HSPBAP1: variants seen among roughly 807,000 people sequenced by gnomAD.
HSPBAP1 encodes HSPB1-associated protein 1.
HSPBAP1 carries 27 observed loss-of-function variants against 45.2 expected under a neutral mutation model. The ratio of observed to expected loss-of-function variants is 0.60; its 90% CI spans 0.44 to 0.82. The LOEUF is 0.82. Among genes scored for constraint, HSPBAP1 ranks in the 40% least tolerant of loss-of-function variants. The probability of loss-of-function intolerance (pLI) is 0.00; values close to 1 mark genes in which losing one functional copy is unlikely to be tolerated. For missense variants in HSPBAP1, 510 were observed against 590.9 expected, an observed-to-expected ratio of 0.86 and a Z score of 1.42; for synonymous variants, 204 against 202.7, an observed-to-expected ratio of 1.01 and a Z score of -0.06.
At chr3:122,781,353 G>A (rs1156769833) in intron 1 of HSPBAP1, among the ~76,000 whole-genome samples, 1 of 152,258 alleles carries the variant, frequency 6.6e-6, no homozygotes, top group Non-Finnish European at 1.5e-5. Context: ...AGGAGCTGGA[G>A]ACCGGCCCGG....
chr3:122,743,088 AT>A (rs1196484019), intron 6 of HSPBAP1, among the ~76,000 whole-genome samples: 2 of 152,226 alleles, frequency 1.3e-5, no homozygotes, highest in East Asian at 3.8e-4. Flanking sequence ...ATAACATTAG[AT>A]TCATTATATA....
Position 122,740,530 on chromosome 3 carries a change from AT to A in HSPBAP1, c.1281del (p.Lys427AsnfsTer10). 1 of 1,614,074 alleles carries A rather than the reference AT, an allele frequency of 6.2e-7. No individual in the cohort carries two copies. The highest frequency in any genetic ancestry group is 8.5e-7 in the Non-Finnish European group (1 of 1,180,018). ...ATTTGTTGTCTCTTGGCACAATGCA[AT>A]TTTCCAAAGTGTTCTCCATCCTTGT... ...FVDKDGEHFG[K>X]LHCAKRQQIM... On this transcript the variant is annotated frameshift_variant, in exon 8 of 8. Coordinates refer to ENST00000306103, the MANE Select transcript of HSPBAP1 (RefSeq NM_024610.6). LOFTEE classifies it low-confidence loss of function (END_TRUNC).
chr3:122,768,310 G>A (rs1328380185), intron 3 of HSPBAP1, among the ~76,000 whole-genome samples: 1 of 152,198 alleles, frequency 6.6e-6, no homozygotes, highest in African/African-American at 2.4e-5. Flanking sequence ...CCTGGTCACA[G>A]CCCAAGGAAT....
intron 1 of HSPBAP1, among the ~76,000 whole-genome samples, chr3:122,793,047 T>A (rs1282496404): frequency 2.0e-5 from 3 of 152,178 alleles, no homozygotes; most frequent in African/African-American, 7.2e-5. Context: ...TTTTCCTTTC[T>A]AGGCTCCTTT....
At chr3:122,788,724 T>C (rs1443746270) in intron 1 of HSPBAP1, among the ~76,000 whole-genome samples, 1 of 152,190 alleles carries the variant, frequency 6.6e-6, no homozygotes, top group East Asian at 1.9e-4. Context: ...ATTCCACTTA[T>C]ATGGAGTATC....
In HSPBAP1 at chr3:122,755,272, C is replaced by A; in HGVS notation, c.729G>T (p.Leu243=). 3 of 1,579,914 alleles carry A rather than the reference C, an allele frequency of 1.9e-6. No homozygotes were observed. The highest frequency in any genetic ancestry group is 2.6e-6 in the Non-Finnish European group (3 of 1,167,572). Residue 243 remains leucine, a synonymous_variant, in exon 5 of 8, where the codon CTG becomes CTT. Coordinates refer to ENST00000306103, the MANE Select transcript of HSPBAP1 (RefSeq NM_024610.6). The part of the protein sequence containing the change: ...FRKAQRHAVT[L]SPGQVLFVPR... ...AAAGCCCTATTACCTGTCCTGGGCT[C>A]AGTGTAACCGCATGTCTTTGAGCTT...
chr3:122,763,456 G>C (rs1039018830), intron 3 of HSPBAP1, among the ~76,000 whole-genome samples: 7 of 120,674 alleles, frequency 5.8e-5, no homozygotes, highest in African/African-American at 1.8e-4. Flanking sequence ...CAATAAAGCT[G>C]TGTGTGTTTT....
intron 6 of HSPBAP1, among the ~76,000 whole-genome samples, chr3:122,751,270 T>C (rs1934124799): frequency 6.6e-6 from 1 of 152,234 alleles, no homozygotes; most frequent in South Asian, 2.1e-4. Flanking sequence ...TGCCACGCAC[T>C]ATATTAGATG....
At chr3:122,745,532 G>C (rs1933816869) in intron 6 of HSPBAP1, among the ~76,000 whole-genome samples, 2 of 152,152 alleles carry the variant, frequency 1.3e-5, no homozygotes, top group African/African-American at 4.8e-5. Context: ...TAAGTTTCAT[G>C]CAATTCTGAG....
rs1461663023 is a variant in HSPBAP1 at position 122,740,388 on chromosome 3, G to T, written c.1424C>A (p.Thr475Asn). Residue 475 changes from threonine (T) to asparagine (N), a missense_variant, in exon 8 of 8, where the codon ACC (threonine) becomes AAC (asparagine). By Grantham distance (65) the Thr-to-Asn change is moderately conservative. Transcript: ENST00000306103. ...TATCAAAAGTTGTGCCACTATCCTG[G>T]TTACTTGTGGATTCACCAAGCAGTC... ...LLDCLVNPQV[T>N]RIVAQLLIQG... is the part of the protein sequence containing the mutation. The T allele has an allele frequency of 1.2e-6, 2 of 1,613,360 alleles. No homozygotes were observed. The highest frequency in any genetic ancestry group is 1.3e-5 in the African/African-American group (1 of 74,950).
At chr3:122,790,690 T>C (rs1935798453) in intron 1 of HSPBAP1, among the ~76,000 whole-genome samples, 1 of 152,220 alleles carries the variant, frequency 6.6e-6, no homozygotes, top group Admixed American at 6.5e-5. Context: ...TGCTCAAAAA[T>C]GAACTTTTCA....
At chr3:122,759,866 T>G (rs1934506639) in intron 3 of HSPBAP1, among the ~76,000 whole-genome samples, 1 of 152,218 alleles carries the variant, frequency 6.6e-6, no homozygotes, top group Admixed American at 6.5e-5. Flanking sequence ...CATACGCAAC[T>G]TACTAACTTT....
At chr3:122,777,997 A>G (rs1205350262) in intron 1 of HSPBAP1, 91 bp from the exon 2 acceptor site, 2 of 797,066 alleles carry the variant, frequency 2.5e-6, no homozygotes, top group African/African-American at 1.7e-5. Flanking sequence ...TGTTTTTATC[A>G]TGGCAAATCA....
chr3:122,764,651 A>G (rs1934713180), intron 3 of HSPBAP1, among the ~76,000 whole-genome samples: 3 of 152,214 alleles, frequency 2.0e-5, no homozygotes, highest in Admixed American at 2.0e-4. Flanking sequence ...GTTATACATC[A>G]TATCATTGAC....
In HSPBAP1 at chr3:122,769,288, T is replaced by G. The variant is rs374643172; in HGVS notation, c.251-406A>C. On this transcript the variant is annotated intron_variant, in intron 2 of 7. Coordinates refer to ENST00000306103, the MANE Select transcript of HSPBAP1 (RefSeq NM_024610.6). ...ATGAGTAGATTTAATAATCCAAACTTGAGGATTTAGTAAATAAAAACTTGA... is the reference window on the plus strand; with the variant it reads ...ATGAGTAGATTTAATAATCCAAACTGGAGGATTTAGTAAATAAAAACTTGA... 8.5e-5 allele frequency among the ~76,000 whole-genome samples: 13 copies of G among 152,300 alleles called. 2 individuals carry two copies. Among genetic ancestry groups the G allele is most frequent in the East Asian group, 1.9e-4 (1 of 5,192 alleles).
chr3:122,777,987 T>C, intron 1 of HSPBAP1, 81 bp from the exon 2 acceptor site: 1 of 887,116 alleles, frequency 1.1e-6, no homozygotes, highest in Admixed American at 2.5e-5. Flanking sequence ...TAGCTAATAT[T>C]GTTTTTATCA....
At chr3:122,786,949 C>T (rs1376717196) in intron 1 of HSPBAP1, among the ~76,000 whole-genome samples, 1 of 152,190 alleles carries the variant, frequency 6.6e-6, no homozygotes, top group African/African-American at 2.4e-5. Flanking sequence ...GAATGCAATG[C>T]TACCCTGTAT....
intron 6 of HSPBAP1, among the ~76,000 whole-genome samples, chr3:122,748,106 A>G (rs528031955): frequency 6.6e-6 from 1 of 152,238 alleles, no homozygotes; most frequent in Non-Finnish European, 1.5e-5. Context: ...TCTCTGAAAC[A>G]TGTGCTGTGT....
Position 122,745,403 on chromosome 3 carries a change from G to A in HSPBAP1, c.826-4290C>T, listed in dbSNP as rs1208846646. Among the ~76,000 whole-genome samples the A allele has an allele frequency of 2.6e-5, 4 of 152,180 alleles. No individual in the cohort carries two copies. In the East Asian group the frequency reaches 7.7e-4, roughly 29 times the overall value. On this transcript the variant is annotated intron_variant, in intron 6 of 7. Coordinates refer to ENST00000306103, the MANE Select transcript of HSPBAP1 (RefSeq NM_024610.6). ...CCTTACCCTAGCAGCAAAAAAAGAT[G>A]AAATATGGCAGTCCGCCCTTATCTG...
Sources: allele counts gnomAD v4.1 joint callset (sites outside exome capture counted in the v4.1 genomes callset), GRCh38; gene constraint gnomAD v4.1.1; transcripts MANE v1.5; gene names NCBI Gene and HGNC (gene_info 2026-07-23, HGNC 2026-07-21).